The following CAND2 variants were observed in gnomAD, a reference collection of about 807,000 sequenced individuals.
CAND2 encodes the protein cullin associated and neddylation dissociated 2 (putative).
A neutral mutation model predicts 98.9 loss-of-function variants in CAND2; 62 were observed. That is an observed-to-expected ratio of 0.63 (90% CI 0.51 to 0.77). The LOEUF (loss-of-function observed/expected upper bound fraction) is 0.77. Among genes scored for constraint, CAND2 ranks in the 30% least tolerant of loss-of-function variants. CAND2 has a pLI of 0.00. For missense variants in CAND2, 1,501 were observed against 1,655.2 expected (o/e 0.91, Z 1.62); for synonymous variants, 770 against 731.9 (o/e 1.05, Z -0.84).
At chr3:12,806,590 C>T (rs1053586323) in intron 2 of CAND2, among the ~76,000 whole-genome samples, 8 of 152,104 alleles carry the variant, frequency 5.3e-5, no homozygotes, top group African/African-American at 1.9e-4. Flanking sequence ...ACATCTGAAA[C>T]CAATTAACTG....
intron 11 of CAND2, among the ~76,000 whole-genome samples, chr3:12,821,486 G>T (rs925673798): frequency 6.6e-6 from 1 of 152,194 alleles, no homozygotes; most frequent in Admixed American, 6.5e-5. Context: ...AGACGTGACC[G>T]TGTTCTGCAC....
chr3:12,803,415 A>G (rs1215285510), intron 1 of CAND2, 73 bp from the exon 2 acceptor site: 1 of 1,415,006 alleles, frequency 7.1e-7, no homozygotes, highest in Non-Finnish European at 9.5e-7. Flanking sequence ...CTTCTAGGGG[A>G]ACCCTGAGGT....
Position 12,815,434 on chromosome 3 carries a change from G to A in CAND2, c.1299+1G>A, listed in dbSNP as rs777561017. ...CAACCTCCATATGCTACGTGGACAG[G>A]TGGGCGTGCCTTCACCTCCACCCCT... On this transcript the variant is annotated splice_donor_variant, in intron 8 of 14. Transcript: ENST00000456430. LOFTEE classifies it high-confidence loss of function. This position sits in a 1 kb window ranked among gnomAD's most constrained non-coding sequence, Gnocchi z 5.7. The A allele has an allele frequency of 1.9e-6, 3 of 1,604,858 alleles. No homozygotes were observed. The African/African-American group carries it at 4.0e-5, about 21-fold the overall frequency.
rs984290739 is a variant in CAND2, at chr3:12,813,312, C to T, written c.930C>T (p.His310=). Residue 310 remains histidine (H), a synonymous_variant, in exon 7 of 15, where the codon CAC becomes CAT. Coordinates refer to ENST00000456430, the MANE Select transcript of CAND2 (RefSeq NM_001162499.2). The part of the protein sequence containing the change: ...VTSLCLQYIK[H]DPNYNYDSDE... ...GCCTCTGCCTCCAATACATAAAACACGACCCCAACTACAACTACGACAGTG... is the reference window on the plus strand; with the variant it reads ...GCCTCTGCCTCCAATACATAAAACATGACCCCAACTACAACTACGACAGTG... 30 of 1,613,992 alleles carry T rather than the reference C, an allele frequency of 1.9e-5. No individual in the cohort carries two copies. Among genetic ancestry groups the T allele is most frequent in the East Asian group, 1.8e-4 (8 of 44,898 alleles).
rs2061822907 is a variant in CAND2, at chr3:12,808,258, CCAG to C, written c.417_419del (p.Ser140del). 18 of 1,551,320 alleles carry C rather than the reference CCAG, an allele frequency of 1.2e-5. No homozygotes were observed. The East Asian group carries it at 4.4e-4, about 38-fold the overall frequency. ...TGCCGGAAGATCACAGGCCAGCTCA[CCAG>C]TGCCATTGCCCAGCAGGAGGATGTG... is the stretch of plus-strand genomic sequence containing the variant. On this transcript the variant is annotated inframe_deletion, in exon 4 of 15. Transcript: ENST00000456430.
rs760623152 is a variant in CAND2, at chr3:12,817,898, A to G, written c.2944+22A>G. The G allele has an allele frequency of 2.7e-6, 4 of 1,487,374 alleles. No homozygotes were observed. The South Asian group carries it at 4.3e-5, about 16-fold the overall frequency. The allele number at this position is 1,487,374 out of a possible 1,614,324, so 92.1% of individuals were successfully genotyped here. On this transcript the variant is annotated intron_variant, in intron 10 of 14. Coordinates refer to ENST00000456430, the MANE Select transcript of CAND2 (RefSeq NM_001162499.2). ...GCAGGTAGGCACACAGGTGTGGGCA[A>G]GGCAGCCCACCTCGGAGGTGGGCAG...
chr3:12,801,576 A>G (rs537494390), intron 1 of CAND2, among the ~76,000 whole-genome samples: 2 of 152,270 alleles, frequency 1.3e-5, no homozygotes, highest in African/African-American at 4.8e-5. Flanking sequence ...TGCAGTTTCA[A>G]ATGCCTGGGA....
rs1203432218 is a variant in CAND2, at chr3:12,834,064, G to A, written c.*82G>A. On this transcript the variant is annotated 3_prime_UTR_variant, in exon 15 of 15. Transcript: ENST00000456430. ...AGGCCTCCCCATCCCACCATCGCAG[G>A]TCTCTACTTTTGCCCTTCCACCATC... 2 of 1,176,728 alleles carry A rather than the reference G, an allele frequency of 1.7e-6. No homozygotes were observed. Among genetic ancestry groups the A allele is most frequent in the Middle Eastern group, 2.0e-4 (1 of 5,038 alleles). The allele number at this position is 1,176,728 out of a possible 1,614,324, so 72.9% of individuals were successfully genotyped here.
chr3:12,832,566 C>T (rs1200534340), intron 14 of CAND2: 1 of 152,342 alleles, frequency 6.6e-6, no homozygotes, highest in East Asian at 1.9e-4. Flanking sequence ...GGTAAATCCA[C>T]ACCCACAGTC....
At chr3:12,799,021 C>T (rs543021055) in intron 1 of CAND2, among the ~76,000 whole-genome samples, 16 of 152,154 alleles carry the variant, frequency 1.1e-4, no homozygotes, top group Non-Finnish European at 2.1e-4. Context: ...GCCCCATTAC[C>T]ACGGAGGCTC....
At chr3:12,818,235 G>A (rs1252195028) in intron 10 of CAND2, among the ~76,000 whole-genome samples, 1 of 150,842 alleles carries the variant, frequency 6.6e-6, no homozygotes, top group African/African-American at 2.5e-5. Context: ...GACCAGCCTG[G>A]GCAACATGGT....
chr3:12,806,603 ACT>A (rs1200288845), intron 2 of CAND2, among the ~76,000 whole-genome samples: 1 of 151,816 alleles, frequency 6.6e-6, no homozygotes, highest in Admixed American at 6.6e-5. Flanking sequence ...ATTAACTGAG[ACT>A]CTCTGAGGGC....
At chr3:12,816,031 A>T in intron 9 of CAND2, 23 bp downstream of exon 9, 4 of 1,609,694 alleles carry the variant, frequency 2.5e-6, no homozygotes, top group Non-Finnish European at 3.4e-6. Flanking sequence ...GCAACCAGGT[A>T]TCTGCTGTTC....
At chr3:12,822,136 A>G (rs563682184) in intron 11 of CAND2, among the ~76,000 whole-genome samples, 2 of 151,942 alleles carry the variant, frequency 1.3e-5, no homozygotes, top group Non-Finnish European at 2.9e-5. Context: ...GTCTGGAAGA[A>G]CTTTTTCTTC....
chr3:12,804,143 G>T (rs182004444), intron 2 of CAND2, among the ~76,000 whole-genome samples: 15 of 152,188 alleles, frequency 9.9e-5, no homozygotes, highest in Admixed American at 9.8e-4. Context: ...AGGTCAAGCT[G>T]ACACACATCA....
At chr3:12,810,767 T>G (rs1475034664) in intron 5 of CAND2, among the ~76,000 whole-genome samples, 1 of 152,272 alleles carries the variant, frequency 6.6e-6, no homozygotes, top group Non-Finnish European at 1.5e-5. Flanking sequence ...GAGCCAAGTT[T>G]GAATTTTTAA....
In CAND2 at chr3:12,803,491, C is replaced by T; in HGVS notation, c.72C>T (p.Phe24=). 2 of 1,606,900 alleles carry T rather than the reference C, an allele frequency of 1.2e-6. No homozygotes were observed. Among genetic ancestry groups the T allele is most frequent in the Non-Finnish European group, 1.7e-6 (2 of 1,176,330 alleles). Residue 24 remains phenylalanine (F), a synonymous_variant, in exon 2 of 15, where the codon TTC becomes TTT. Transcript: ENST00000456430. The part of the protein sequence containing the change: ...KMTSSDKDFR[F]MATSDLMSEL... ...CTCCTCCACCCTCCCTGTGCAGGTTCATGGCCACCAGCGACCTGATGTCGG... is the reference window on the plus strand; with the variant it reads ...CTCCTCCACCCTCCCTGTGCAGGTTTATGGCCACCAGCGACCTGATGTCGG...
intron 11 of CAND2, among the ~76,000 whole-genome samples, chr3:12,823,152 G>C (rs989535857): frequency 1.3e-5 from 2 of 152,208 alleles, no homozygotes; most frequent in Admixed American, 1.3e-4. Flanking sequence ...TTATCTCTGT[G>C]AAAACTAATA....
intron 1 of CAND2, among the ~76,000 whole-genome samples, chr3:12,797,088 C>T (rs1200312592): frequency 6.6e-6 from 1 of 151,816 alleles, no homozygotes; most frequent in Middle Eastern, 3.2e-3. Context: ...CCGGCTCCAC[C>T]CCTCTGCACC....
Sources: gnomAD v4.1 joint callset for allele counts (sites outside exome capture counted in the v4.1 genomes callset) on GRCh38, gnomAD v4.1.1 for gene constraint, Gnocchi (gnomAD v3.1) non-coding constraint, MANE v1.5 for transcripts, NCBI Gene and HGNC (gene_info 2026-07-23, HGNC 2026-07-21) for gene names.